USH2A: variants seen among roughly 807,000 people sequenced by gnomAD.
USH2A encodes usherin.
Under a neutral mutation model 538.9 loss-of-function variants are expected in USH2A, and 443 were observed. That is an observed-to-expected ratio of 0.82 (90% CI 0.76 to 0.89). The LOEUF (loss-of-function observed/expected upper bound fraction) is 0.89. Among genes scored for constraint, USH2A ranks in the 40% least tolerant of loss-of-function variants. The pLI is 0.00. For missense variants in USH2A, 6,633 were observed against 6,324.8 expected, an observed-to-expected ratio of 1.05 and a Z score of -1.65; for synonymous variants, 2,413 against 2,273.5, an observed-to-expected ratio of 1.06 and a Z score of -1.75.
chr1:215,981,953 G>T (rs1434994299), intron 35 of USH2A, among the ~76,000 whole-genome samples: 1 of 152,208 alleles, frequency 6.6e-6, no homozygotes, highest in South Asian at 2.1e-4. Flanking sequence ...AGGATAAATT[G>T]TATGGCCAAT....
intron 3 of USH2A, among the ~76,000 whole-genome samples, chr1:216,366,812 G>A (rs983825886): frequency 5.3e-5 from 8 of 152,008 alleles, no homozygotes; most frequent in Admixed American, 4.6e-4. Flanking sequence ...CATATACCAA[G>A]TCCTCAAGGG....
At chr1:216,233,593 A>G (rs1226960212) in intron 13 of USH2A, among the ~76,000 whole-genome samples, 1 of 152,158 alleles carries the variant, frequency 6.6e-6, no homozygotes, top group African/African-American at 2.4e-5. Flanking sequence ...GAGTTCAATT[A>G]TTAAACAGGC....
rs561287187 is a variant in USH2A at position 215,705,434 on chromosome 1, G to A, written c.12066+22596C>T. 5.9e-5 allele frequency among the ~76,000 whole-genome samples: 9 copies of A among 152,286 alleles called. No homozygotes were observed. In the East Asian group the frequency reaches 1.3e-3, roughly 23 times the overall value. On this transcript the variant is annotated intron_variant, in intron 61 of 71. Coordinates refer to ENST00000307340, the MANE Select transcript of USH2A (RefSeq NM_206933.4). ...GTGCACAGAACTCAAGTGAAGTGACGAGAGTTTGTGCAGGCACAGGAAATG... is the reference window on the plus strand; with the variant it reads ...GTGCACAGAACTCAAGTGAAGTGACAAGAGTTTGTGCAGGCACAGGAAATG...
intron 13 of USH2A, among the ~76,000 whole-genome samples, chr1:216,237,278 A>G (rs1278190015): frequency 1.3e-5 from 2 of 152,284 alleles, no homozygotes; most frequent in East Asian, 1.9e-4. Context: ...GAGGTATCCC[A>G]GAATGTGAAG....
At chr1:215,906,933 C>T (rs1436846857) in intron 38 of USH2A, among the ~76,000 whole-genome samples, 1 of 151,876 alleles carries the variant, frequency 6.6e-6, no homozygotes, top group African/African-American at 2.4e-5. Flanking sequence ...TAAAAGTCAC[C>T]AACTTTATCC....
intron 50 of USH2A, among the ~76,000 whole-genome samples, chr1:215,792,640 A>C (rs527771018): frequency 6.6e-6 from 1 of 152,312 alleles, no homozygotes; most frequent in South Asian, 2.1e-4. Flanking sequence ...GGGAGAGCAG[A>C]TGTTGCGGAG....
intron 9 of USH2A, among the ~76,000 whole-genome samples, chr1:216,310,307 A>T (rs1286146120): frequency 6.6e-6 from 1 of 152,096 alleles, no homozygotes. Flanking sequence ...TATATCAACT[A>T]TACCTTTTTA....
chr1:216,014,233 G>T (rs779948366), intron 32 of USH2A, among the ~76,000 whole-genome samples: 2 of 152,186 alleles, frequency 1.3e-5, no homozygotes, highest in African/African-American at 4.8e-5. Context: ...CAGGTTGGGC[G>T]TGGGGGGAAG....
intron 37 of USH2A, among the ~76,000 whole-genome samples, chr1:215,943,043 C>T (rs1571833815): frequency 6.6e-6 from 1 of 152,164 alleles, no homozygotes. Flanking sequence ...ACACCTAGTG[C>T]TCAAAATTTA....
chr1:216,330,632 G>A (rs919750823), intron 4 of USH2A, among the ~76,000 whole-genome samples: 3 of 151,814 alleles, frequency 2.0e-5, no homozygotes, highest in Admixed American at 6.6e-5. Flanking sequence ...GGAGGATGGA[G>A]GTACAAATTG....
rs1244527010 is a variant in USH2A, at chr1:215,675,443, G to A, written c.12468C>T (p.Asp4156=). Reference sequence around the variant, plus strand: ...AGTGGACAGTAGGAGCCAGCTGAGAGTCTGGAGGGGCTTCATCTGTCCACA... The same window carrying A: ...AGTGGACAGTAGGAGCCAGCTGAGAATCTGGAGGGGCTTCATCTGTCCACA... ...QPLWTDEAPP[D]SQLAPTVHSV... is the part of the protein sequence containing the mutation. The change falls in exon 63 of 72, where the codon GAC becomes GAT. Residue 4156 remains aspartate, a synonymous_variant. Transcript: ENST00000307340. 6.2e-7 allele frequency: 1 copy of A among 1,613,998 alleles called. No individual in the cohort carries two copies.
rs559023984 is a variant in USH2A, at chr1:215,892,510, C to T, written c.7595-3456G>A. On this transcript the variant is annotated intron_variant, in intron 40 of 71. Coordinates refer to ENST00000307340, the MANE Select transcript of USH2A (RefSeq NM_206933.4). ...CAATGTAGCCTTTTGTTATTCACTA[C>T]TGATATGTTAACAGAATAATGGATT... Among the ~76,000 whole-genome samples, 4 of 152,214 alleles carry T rather than the reference C, an allele frequency of 2.6e-5. No homozygotes were observed. In the South Asian group the frequency reaches 8.3e-4, roughly 32 times the overall value.
chr1:215,782,782 T>C lies in USH2A; in HGVS notation c.10541A>G (p.Glu3514Gly). 1.9e-6 allele frequency: 3 copies of C among 1,614,004 alleles called. No individual in the cohort carries two copies. The highest frequency in any genetic ancestry group is 2.5e-6 in the Non-Finnish European group (3 of 1,179,904). ...TCTCCAGTTTAAGACAATTGTATCT[T>C]CAAGATTGTCTATTTTGGTCCACGT... is the stretch of plus-strand genomic sequence containing the variant. ...PPTWTKIDNL[E>G]DTIVLNWRKP... Residue 3514 changes from glutamate (E) to glycine (G), a missense_variant, in exon 53 of 72, where the codon GAA becomes GGA. Glu to Gly is a moderately conservative substitution (Grantham distance 98). Coordinates refer to ENST00000307340, the MANE Select transcript of USH2A (RefSeq NM_206933.4).
intron 20 of USH2A, among the ~76,000 whole-genome samples, chr1:216,183,623 G>A (rs2034534897): frequency 6.6e-6 from 1 of 151,898 alleles, no homozygotes; most frequent in Non-Finnish European, 1.5e-5. Flanking sequence ...AAAGCTCCTT[G>A]AAGTCTGCAT....
intron 11 of USH2A, among the ~76,000 whole-genome samples, chr1:216,256,529 A>G (rs1333974703): frequency 6.6e-6 from 1 of 151,938 alleles, no homozygotes; most frequent in Non-Finnish European, 1.5e-5. Context: ...CTTGAACAAC[A>G]TGGGTTATCA....
chr1:215,826,532 A>G (rs1225956210), intron 47 of USH2A, among the ~76,000 whole-genome samples: 1 of 152,200 alleles, frequency 6.6e-6, no homozygotes, highest in African/African-American at 2.4e-5. Context: ...GAGCTTTAGA[A>G]ATGATAGAAT....
chr1:215,917,735 G>A (rs1358261933), intron 38 of USH2A, among the ~76,000 whole-genome samples: 1 of 146,100 alleles, frequency 6.8e-6, no homozygotes, highest in Non-Finnish European at 1.5e-5. Flanking sequence ...CTTGAGCCCG[G>A]GAGTTTGAGA....
Position 216,033,371 on chromosome 1 carries a change from A to G in USH2A, c.6325+13060T>C, listed in dbSNP as rs542257038. Among the ~76,000 whole-genome samples the G allele has an allele frequency of 3.0e-3, 461 of 152,346 alleles. 2 individuals carry two copies. The highest frequency in any genetic ancestry group is 5.1e-3 in the Non-Finnish European group (345 of 68,036). ...AGGTTTTATAAGATCTGAGAACTCAAGGAAGACAATGATTCAGCCATGTAA... is the reference window on the plus strand; with the variant it reads ...AGGTTTTATAAGATCTGAGAACTCAGGGAAGACAATGATTCAGCCATGTAA... On this transcript the variant is annotated intron_variant, in intron 32 of 71. Transcript: ENST00000307340.
intron 9 of USH2A, among the ~76,000 whole-genome samples, chr1:216,320,138 C>T (rs2037578594): frequency 6.6e-6 from 1 of 152,032 alleles, no homozygotes; most frequent in African/African-American, 2.4e-5. Flanking sequence ...GGAGGTGAGC[C>T]TGGTGGGAGA....
Sources: allele counts gnomAD v4.1 joint callset (sites outside exome capture counted in the v4.1 genomes callset), GRCh38; gene constraint gnomAD v4.1.1; transcripts MANE v1.5; gene names NCBI Gene and HGNC (gene_info 2026-07-23, HGNC 2026-07-21).